Variants in DCLK3 observed in about 807,000 individuals in gnomAD.
The protein encoded by DCLK3 is doublecortin like kinase 3.
A neutral mutation model predicts 46.4 loss-of-function variants in DCLK3; 30 were observed. The ratio of observed to expected loss-of-function variants is 0.65; its 90% CI spans 0.48 to 0.88. DCLK3 has a LOEUF of 0.88. Ranked by LOEUF, DCLK3 falls within the 40% of genes least tolerant of loss-of-function variation. The pLI, the probability that DCLK3 is intolerant of heterozygous loss-of-function variation, is 0.00. For missense variants in DCLK3, 846 were observed against 907.1 expected (o/e 0.93, Z 0.87); for synonymous variants, 401 against 339.2 (o/e 1.18, Z -2.00).
intron 1 of DCLK3, among the ~76,000 whole-genome samples, chr3:36,742,647 G>A (rs1340421911): frequency 6.6e-6 from 1 of 152,182 alleles, no homozygotes; most frequent in African/African-American, 2.4e-5. Flanking sequence ...CAAGCTACTG[G>A]GAAGCACCAG....
intron 3 of DCLK3, among the ~76,000 whole-genome samples, chr3:36,719,032 A>G (rs1367343968): frequency 6.6e-6 from 1 of 152,176 alleles, no homozygotes; most frequent in East Asian, 1.9e-4. Context: ...ATTTCTAATA[A>G]CTATTAGTAT....
chr3:36,724,639 C>T (rs1399306508), intron 2 of DCLK3, among the ~76,000 whole-genome samples: 2 of 152,130 alleles, frequency 1.3e-5, no homozygotes, highest in African/African-American at 4.8e-5. Flanking sequence ...TGCACAAGCT[C>T]TCTATTTGCC....
chr3:36,763,880 G>A (rs1177368663), intron 1 of DCLK3, among the ~76,000 whole-genome samples: 1 of 152,202 alleles, frequency 6.6e-6, no homozygotes, highest in African/African-American at 2.4e-5. Flanking sequence ...CACCCAGTGC[G>A]TTTCCCAGGA....
intron 1 of DCLK3, among the ~76,000 whole-genome samples, chr3:36,758,069 T>C (rs1701504287): frequency 6.6e-6 from 1 of 152,156 alleles, no homozygotes; most frequent in Non-Finnish European, 1.5e-5. Flanking sequence ...AAGTGATGTC[T>C]CTGAACCATA....
At chr3:36,756,595 A>T (rs1446227880) in intron 1 of DCLK3, among the ~76,000 whole-genome samples, 2 of 152,186 alleles carry the variant, frequency 1.3e-5, no homozygotes, top group African/African-American at 4.8e-5. Flanking sequence ...CCGAAACAAC[A>T]TCTGAACTAA....
chr3:36,724,368 C>G (rs768140146), intron 2 of DCLK3, among the ~76,000 whole-genome samples: 2 of 152,280 alleles, frequency 1.3e-5, no homozygotes, highest in African/African-American at 4.8e-5. Flanking sequence ...TGAGTTAAGA[C>G]TTTGGGGAAC....
chr3:36,758,876 C>T (rs1701512228), intron 1 of DCLK3, among the ~76,000 whole-genome samples: 2 of 152,148 alleles, frequency 1.3e-5, no homozygotes, highest in Admixed American at 1.3e-4. Context: ...TTCATAAGAA[C>T]CTGAACAACA....
chr3:36,737,835 C>G lies in DCLK3; in HGVS notation c.1332G>C (p.Trp444Cys). The G allele has an allele frequency of 6.2e-7, 1 of 1,614,034 alleles. No individual in the cohort carries two copies. The highest frequency in any genetic ancestry group is 8.5e-7 in the Non-Finnish European group (1 of 1,180,038). The change falls in exon 2 of 5, where the codon TGG becomes TGC. Residue 444 changes from tryptophan to cysteine, a missense_variant. Transcript: ENST00000636136. This position sits in a 1 kb window ranked among gnomAD's most constrained non-coding sequence, Gnocchi z 4.4. The stretch of plus-strand genomic sequence containing the variant: ...AGCCCGCCTGGTGCTCTCTCAGGAG[C>G]CAGCCACCATGTTTGCTCCTGCTCA... ...RPMSRSKHGGWLLREHQAGFE... is the reference protein window; with the variant it reads ...RPMSRSKHGGCLLREHQAGFE...
At chr3:36,716,633 T>C (rs999184932) in intron 4 of DCLK3, among the ~76,000 whole-genome samples, 1 of 152,258 alleles carries the variant, frequency 6.6e-6, no homozygotes, top group Non-Finnish European at 1.5e-5. Context: ...TTGGCCACTT[T>C]ATGGCATAGT....
At chr3:36,752,923 T>C (rs1259710953) in intron 1 of DCLK3, among the ~76,000 whole-genome samples, 1 of 152,130 alleles carries the variant, frequency 6.6e-6, no homozygotes, top group Non-Finnish European at 1.5e-5. Context: ...AGACAACAAA[T>C]ATATGTGAGC....
chr3:36,749,904 C>T (rs1248544298), intron 1 of DCLK3, among the ~76,000 whole-genome samples: 4 of 152,068 alleles, frequency 2.6e-5, no homozygotes, highest in African/African-American at 9.7e-5. Context: ...AACACTGGAG[C>T]TGTTTATGTA....
intron 2 of DCLK3, among the ~76,000 whole-genome samples, chr3:36,723,394 C>T (rs1049902804): frequency 8.5e-5 from 13 of 152,264 alleles, no homozygotes; most frequent in South Asian, 4.1e-4. Context: ...AAATTAAAGC[C>T]GGCTGCAGAA....
chr3:36,719,665 C>G (rs1226162125), intron 3 of DCLK3, among the ~76,000 whole-genome samples: 1 of 152,198 alleles, frequency 6.6e-6, no homozygotes, highest in East Asian at 1.9e-4. Context: ...CATTATCAAC[C>G]ATCTCTGTGT....
At chr3:36,754,617 T>C (rs543714700) in intron 1 of DCLK3, among the ~76,000 whole-genome samples, 5 of 152,338 alleles carry the variant, frequency 3.3e-5, no homozygotes, top group African/African-American at 9.6e-5. Context: ...AGGTAAGTTT[T>C]AAATGTGTGA....
At chr3:36,739,117 T>A in intron 1 of DCLK3, 33 bp from the exon 2 acceptor site, 2 of 398,200 alleles carry the variant, frequency 5.0e-6, no homozygotes, top group Non-Finnish European at 8.8e-6. Context: ...GAGTATTAGT[T>A]AAGATGGGTT....
chr3:36,740,656 A>G (rs908307383), intron 1 of DCLK3, among the ~76,000 whole-genome samples: 2 of 152,234 alleles, frequency 1.3e-5, no homozygotes, highest in Non-Finnish European at 2.9e-5. Flanking sequence ...GAGTGGTTTA[A>G]TTTCCTCAAT....
intron 2 of DCLK3, among the ~76,000 whole-genome samples, chr3:36,734,057 T>C (rs764683261): frequency 5.3e-5 from 8 of 152,198 alleles, no homozygotes; most frequent in Non-Finnish European, 4.4e-5. Context: ...ATAAAGCTTA[T>C]CACAAGTGTA....
Position 36,737,835 on chromosome 3 carries a change from C to A in DCLK3, c.1332G>T (p.Trp444Cys). The change falls in exon 2 of 5, where the codon TGG becomes TGT. Residue 444 changes from tryptophan (W) to cysteine (C), a missense_variant. By Grantham distance (215) the Trp-to-Cys change is radical. Transcript: ENST00000636136. This position sits in a 1 kb window ranked among gnomAD's most constrained non-coding sequence, Gnocchi z 4.4. ...RPMSRSKHGGWLLREHQAGFE... is the reference protein window; with the variant it reads ...RPMSRSKHGGCLLREHQAGFE... ...AGCCCGCCTGGTGCTCTCTCAGGAG[C>A]CAGCCACCATGTTTGCTCCTGCTCA... 1 of 1,614,034 alleles carries A rather than the reference C, an allele frequency of 6.2e-7. No homozygotes were observed. The highest frequency in any genetic ancestry group is 8.5e-7 in the Non-Finnish European group (1 of 1,180,038).
intron 1 of DCLK3, among the ~76,000 whole-genome samples, chr3:36,763,274 C>G (rs1176748322): frequency 6.6e-6 from 1 of 152,208 alleles, no homozygotes; most frequent in African/African-American, 2.4e-5. Flanking sequence ...GAATGACTAA[C>G]TGTTAGGATT....
Sources: gnomAD v4.1 joint callset for allele counts (sites outside exome capture counted in the v4.1 genomes callset) on GRCh38, gnomAD v4.1.1 for gene constraint, Gnocchi (gnomAD v3.1) non-coding constraint, MANE v1.5 for transcripts, NCBI Gene and HGNC (gene_info 2026-07-23, HGNC 2026-07-21) for gene names.